The following MIA2 variants were observed in gnomAD, a reference collection of about 807,000 sequenced individuals.
MIA2 encodes MIA SH3 domain ER export factor 2.
MIA2 carries 127 observed loss-of-function variants against 167.8 expected under a neutral mutation model. The ratio of observed to expected loss-of-function variants is 0.76; its 90% confidence interval spans 0.66 to 0.88. The LOEUF is 0.88. Among genes scored for constraint, MIA2 ranks in the 40% least tolerant of loss-of-function variants. The pLI is 0.00. For synonymous variants in MIA2, 552 were observed against 541.9 expected (o/e 1.02, Z -0.26); for missense variants, 1,690 against 1,624.7 (o/e 1.04, Z -0.69).
chr14:39,318,141 T>C, intron 22 of MIA2, 130 bp downstream of exon 22: 3 of 632,334 alleles, frequency 4.7e-6, no homozygotes, highest in Non-Finnish European at 2.7e-6. Flanking sequence ...CTATTAGTTT[T>C]ACTAGGAATG....
chr14:39,237,284 C>T (rs751007338), intron 2 of MIA2: 36 of 510,032 alleles, frequency 7.1e-5, no homozygotes, highest in African/African-American at 5.2e-4. Context: ...TGTGTCACCA[C>T]GCCCGGCTAA....
intron 25 of MIA2, among the ~76,000 whole-genome samples, chr14:39,328,830 T>G (rs1199806111): frequency 6.6e-6 from 1 of 152,230 alleles, no homozygotes; most frequent in African/African-American, 2.4e-5. Context: ...TCTATATGTC[T>G]GTTTTTGTAC....
chr14:39,381,814 CAAAAA>C (rs1455004320), intron 23 of MIA2, among the ~76,000 whole-genome samples: 1 of 151,108 alleles, frequency 6.6e-6, no homozygotes, highest in Non-Finnish European at 1.5e-5. Context: ...ACTGAAAAAA[CAAAAA>C]CAAAAAAACC....
chr14:39,361,042 G>T (rs571125270), intron 23 of MIA2, among the ~76,000 whole-genome samples: 6 of 152,182 alleles, frequency 3.9e-5, no homozygotes, highest in Non-Finnish European at 8.8e-5. Context: ...ATGCTGTTTT[G>T]GTTACTATAG....
chr14:39,304,261 T>C, intron 16 of MIA2, 30 bp from the exon 17 acceptor site: 1 of 1,078,442 alleles, frequency 9.3e-7, no homozygotes, highest in Non-Finnish European at 1.4e-6. Flanking sequence ...CTGATTAATG[T>C]TACTTTTTTC....
intron 6 of MIA2, among the ~76,000 whole-genome samples, chr14:39,255,734 CAT>C (rs1373336581): frequency 2.6e-5 from 4 of 152,210 alleles, no homozygotes; most frequent in Non-Finnish European, 5.9e-5. Context: ...CTGATCAACA[CAT>C]GATACTCACT....
intron 2 of MIA2, among the ~76,000 whole-genome samples, chr14:39,237,439 C>T (rs1410002500): frequency 1.3e-5 from 2 of 152,068 alleles, no homozygotes; most frequent in Admixed American, 1.3e-4. Context: ...AGGATACCTG[C>T]TTTTCATCTT....
chr14:39,235,928 CAAT>C (rs2152593528), intron 1 of MIA2, among the ~76,000 whole-genome samples: 1 of 152,058 alleles, frequency 6.6e-6, no homozygotes, highest in African/African-American at 2.4e-5. Flanking sequence ...AATTGCATGA[CAAT>C]AAAAATATCT....
Position 39,298,199 on chromosome 14 carries a change from A to G in MIA2, c.2497-1665A>G, listed in dbSNP as rs2061703475. 2.0e-5 allele frequency among the ~76,000 whole-genome samples: 3 copies of G among 151,748 alleles called. 1 individual carries two copies. The South Asian group carries it at 6.2e-4, about 32-fold the overall frequency. On this transcript the variant is annotated intron_variant, in intron 13 of 28. Coordinates refer to ENST00000640607, the MANE Select transcript of MIA2 (RefSeq NM_001329214.4). Reference sequence around the variant, plus strand: ...ACCTAGATCAGTCTTACTCTTTACAACTGTTTTCATCTAACTCCCTTGTAA... The same window carrying G: ...ACCTAGATCAGTCTTACTCTTTACAGCTGTTTTCATCTAACTCCCTTGTAA...
intron 3 of MIA2, among the ~76,000 whole-genome samples, chr14:39,242,409 G>A (rs899561168): frequency 1.3e-5 from 2 of 149,186 alleles, no homozygotes; most frequent in African/African-American, 2.5e-5. Context: ...TGCAACCTCC[G>A]CCTCCTGGGT....
At chr14:39,358,718 A>C (rs1373500835) in intron 23 of MIA2, among the ~76,000 whole-genome samples, 1 of 152,162 alleles carries the variant, frequency 6.6e-6, no homozygotes, top group African/African-American at 2.4e-5. Context: ...GGTGATGTAC[A>C]GATGGGGTTT....
rs1594660459 is a variant in MIA2, at chr14:39,247,454, C to T, written c.880C>T (p.Leu294=). The change falls in exon 4 of 29, where the codon CTA becomes TTA. Residue 294 remains leucine (L), a synonymous_variant. Coordinates refer to ENST00000640607, the MANE Select transcript of MIA2 (RefSeq NM_001329214.4). ...IDSVPKTQSE[L]ASESEHIPKP... ...TTCAGTGCCAAAGACACAGTCTGAA[C>T]TAGCATCTGAGTCAGAGCACATTCC... The T allele has an allele frequency of 1.2e-6, 2 of 1,613,912 alleles. No individual in the cohort carries two copies. Among genetic ancestry groups the T allele is most frequent in the Middle Eastern group, 1.7e-4 (1 of 6,060 alleles).
At chr14:39,309,803 A>G (rs1038244630) in intron 18 of MIA2, among the ~76,000 whole-genome samples, 3 of 152,176 alleles carry the variant, frequency 2.0e-5, no homozygotes, top group African/African-American at 4.8e-5. Flanking sequence ...TGTTGAATAT[A>G]TGTACAAATA....
At position 39,247,860 on chromosome 14, in the gene MIA2, C is replaced by T. The variant is rs35757487; in HGVS notation, c.1286C>T (p.Thr429Met). 2.7e-3 allele frequency: 4,317 copies of T among 1,587,224 alleles called. 118 individuals carry two copies. In the African/African-American group the frequency reaches 0.053, roughly 19 times the overall value. ...CCTGAAAAAGAACAAGAAATAGAAA[C>T]GATAAAAATTATAGAAACAGAAGAT... is the stretch of plus-strand genomic sequence containing the variant. ...LDPEKEQEIE[T>M]IKIIETEDQI... Residue 429 changes from threonine to methionine, a missense_variant, in exon 4 of 29, where the codon ACG becomes ATG. By Grantham distance (81) the Thr-to-Met change is moderately conservative. Transcript: ENST00000640607.
intron 9 of MIA2, among the ~76,000 whole-genome samples, chr14:39,283,782 T>C (rs2059266619): frequency 6.6e-6 from 1 of 152,240 alleles, no homozygotes; most frequent in Non-Finnish European, 1.5e-5. Flanking sequence ...TTCATATACC[T>C]GTTGGCCATT....
intron 25 of MIA2, among the ~76,000 whole-genome samples, chr14:39,337,407 G>T (rs1595783872): frequency 6.6e-6 from 1 of 152,172 alleles, no homozygotes; most frequent in East Asian, 1.9e-4. Context: ...GTATATAGAA[G>T]AACTGAACAG....
At chr14:39,380,889 C>T (rs1312791243) in intron 23 of MIA2, among the ~76,000 whole-genome samples, 5 of 151,894 alleles carry the variant, frequency 3.3e-5, no homozygotes, top group South Asian at 2.1e-4. Context: ...GGGCCTATTC[C>T]GAAGAGACTA....
At position 39,302,001 on chromosome 14, in the gene MIA2, A is replaced by G. The variant is rs1434474295; in HGVS notation, c.2620-128A>G. On this transcript the variant is annotated intron_variant, in intron 14 of 28. Transcript: ENST00000640607. Reference sequence around the variant, plus strand: ...ACTACAATATCTTAATAAGAGGTGGAAAATAAGAGCTCTTGTGTTGTTATT... The same window carrying G: ...ACTACAATATCTTAATAAGAGGTGGGAAATAAGAGCTCTTGTGTTGTTATT... 10 of 1,057,596 alleles carry G rather than the reference A, an allele frequency of 9.5e-6. No individual in the cohort carries two copies. In the Admixed American group the frequency reaches 2.0e-4, roughly 21 times the overall value. The allele number at this position is 1,057,596 out of a possible 1,614,324, so 65.5% of individuals were successfully genotyped here.
At chr14:39,264,851 A>G (rs914465704) in intron 6 of MIA2, among the ~76,000 whole-genome samples, 2 of 152,218 alleles carry the variant, frequency 1.3e-5, no homozygotes, top group South Asian at 4.1e-4. Context: ...ACTGGTTAGC[A>G]TGTTTCCGAT....
Sources: gnomAD v4.1 joint callset for allele counts (sites outside exome capture counted in the v4.1 genomes callset) on GRCh38, gnomAD v4.1.1 for gene constraint, MANE v1.5 for transcripts, NCBI Gene and HGNC (gene_info 2026-07-23, HGNC 2026-07-21) for gene names.